The following MORC1 variants were observed in gnomAD, a reference collection of about 807,000 sequenced individuals.
MORC1 encodes the protein MORC family CW-type zinc finger protein 1.
MORC1 carries 59 observed loss-of-function variants against 134.9 expected under a neutral mutation model. The observed-to-expected ratio is 0.44, with a 90% confidence interval of 0.35 to 0.54. MORC1 has a LOEUF of 0.54. MORC1 is among the 20% of genes least tolerant of loss of function. MORC1 has a pLI of 0.00. For synonymous variants in MORC1, 395 were observed against 391.7 expected (o/e 1.01, Z -0.10); for missense variants, 947 against 1,134.5 (o/e 0.83, Z 2.37).
rs548016696 is a variant in MORC1 at position 109,049,454 on chromosome 3, G to C, written c.1330+5274C>G. On this transcript the variant is annotated intron_variant, in intron 14 of 27. Transcript: ENST00000232603. The stretch of plus-strand genomic sequence containing the variant: ...CTGATTTTCCTGTCCTATGCAACAG[G>C]GTTTACATGAAGTCATAGAGAAAAT... Among the ~76,000 whole-genome samples the C allele has an allele frequency of 3.1e-4, 47 of 152,174 alleles. 1 individual carries two copies. The highest frequency in any genetic ancestry group is 2.1e-3 in the Admixed American group (32 of 15,268).
At chr3:109,044,419 A>G (rs951215354) in intron 14 of MORC1, among the ~76,000 whole-genome samples, 59 of 151,984 alleles carry the variant, frequency 3.9e-4, no homozygotes, top group African/African-American at 1.4e-3. Context: ...TTAGCCAGGC[A>G]TGGTGGCGGG....
At chr3:108,960,211 C>G (rs1947044665) in intron 27 of MORC1, among the ~76,000 whole-genome samples, 1 of 152,180 alleles carries the variant, frequency 6.6e-6, no homozygotes, top group Non-Finnish European at 1.5e-5. Flanking sequence ...TGCTTAATAG[C>G]AGAAACAATC....
chr3:108,959,152 A>T (rs769447806), intron 27 of MORC1, 32 bp from the exon 28 acceptor site: 16 of 1,551,582 alleles, frequency 1.0e-5, no homozygotes, highest in Admixed American at 2.0e-5. Context: ...CACACCAGGG[A>T]AAGAAGCTGC....
At chr3:109,102,084 G>C (rs1261733444) in intron 4 of MORC1, among the ~76,000 whole-genome samples, 1 of 152,180 alleles carries the variant, frequency 6.6e-6, no homozygotes, top group Non-Finnish European at 1.5e-5. Flanking sequence ...GATCATTTCT[G>C]ACTGAGTATT....
At chr3:109,031,779 T>C (rs759841770) in intron 16 of MORC1, among the ~76,000 whole-genome samples, 8 of 152,200 alleles carry the variant, frequency 5.3e-5, no homozygotes, top group Non-Finnish European at 1.2e-4. Flanking sequence ...AGCCTCTAAT[T>C]CAATCAGGAC....
intron 3 of MORC1, chr3:109,110,189 A>G (rs2107801079): frequency 6.6e-6 from 1 of 152,494 alleles, no homozygotes; most frequent in Admixed American, 6.5e-5. Flanking sequence ...AACAGCTGAC[A>G]GAAATGTGGT....
At chr3:108,966,919 G>A (rs1001087460) in intron 26 of MORC1, among the ~76,000 whole-genome samples, 1 of 152,144 alleles carries the variant, frequency 6.6e-6, no homozygotes, top group Non-Finnish European at 1.5e-5. Context: ...GGTGATGCAG[G>A]ACCACCAATG....
intron 10 of MORC1, 132 bp from the exon 11 acceptor site, chr3:109,062,190 C>G: frequency 1.4e-6 from 1 of 740,694 alleles, no homozygotes; most frequent in South Asian, 1.7e-5. Context: ...CCCTATGTTC[C>G]TCTTATAACT....
At chr3:109,031,348 G>C (rs1022031108) in intron 16 of MORC1, among the ~76,000 whole-genome samples, 3 of 152,172 alleles carry the variant, frequency 2.0e-5, no homozygotes, top group African/African-American at 7.2e-5. Context: ...CCAGTGTATG[G>C]GAAGCTTAGT....
intron 14 of MORC1, among the ~76,000 whole-genome samples, chr3:109,051,812 A>G (rs1025125703): frequency 6.6e-6 from 1 of 152,128 alleles, no homozygotes; most frequent in Non-Finnish European, 1.5e-5. Flanking sequence ...GAATTAGGTA[A>G]GGAGTGGGGG....
rs757949911 is a variant in MORC1 at position 109,027,781 on chromosome 3, A to G, written c.1674T>C (p.Tyr558=). 6 of 1,613,850 alleles carry G rather than the reference A, an allele frequency of 3.7e-6. No individual in the cohort carries two copies. In the East Asian group the frequency reaches 1.3e-4, roughly 36 times the overall value. Residue 558 remains tyrosine, a synonymous_variant, in exon 17 of 28, where the codon TAT becomes TAC. Transcript: ENST00000232603. ...GCTGCTGTTCTGCCAGTCTATTTTG[A>G]TACTTTATGACCGACTCTCTAAGTT... ...EKQLRESVIK[Y]QNRLAEQQPQ...
At chr3:109,037,139 C>A (rs1315929385) in intron 14 of MORC1, among the ~76,000 whole-genome samples, 1 of 152,160 alleles carries the variant, frequency 6.6e-6, no homozygotes, top group Non-Finnish European at 1.5e-5. Flanking sequence ...GTTTTTAAGT[C>A]CTGGGTCTGG....
At chr3:109,028,446 G>A (rs554648564) in intron 16 of MORC1, among the ~76,000 whole-genome samples, 1 of 152,232 alleles carries the variant, frequency 6.6e-6, no homozygotes, top group East Asian at 1.9e-4. Flanking sequence ...TGGTCCTGAT[G>A]GCAGCATCCT....
At chr3:109,048,679 G>A (rs1246919186) in intron 14 of MORC1, among the ~76,000 whole-genome samples, 1 of 152,124 alleles carries the variant, frequency 6.6e-6, no homozygotes, top group Non-Finnish European at 1.5e-5. Context: ...TTTCTTCTGA[G>A]GCTTCCCTAC....
intron 17 of MORC1, among the ~76,000 whole-genome samples, chr3:109,023,301 A>G (rs1949003268): frequency 6.6e-6 from 1 of 152,252 alleles, no homozygotes; most frequent in Admixed American, 6.5e-5. Flanking sequence ...ATGCTATTAT[A>G]TTAATAGAAA....
At chr3:109,021,308 TA>T (rs1032892483) in intron 17 of MORC1, among the ~76,000 whole-genome samples, 10 of 152,146 alleles carry the variant, frequency 6.6e-5, no homozygotes, top group African/African-American at 2.2e-4. Context: ...GTATTTGCAT[TA>T]AAACCCAAAT....
At chr3:109,110,871 A>G in intron 2 of MORC1, 88 bp from the exon 3 acceptor site, 1 of 971,444 alleles carries the variant, frequency 1.0e-6, no homozygotes, top group Non-Finnish European at 1.5e-6. Context: ...CAAACAATAC[A>G]AAAATCCACT....
intron 9 of MORC1, among the ~76,000 whole-genome samples, chr3:109,063,507 T>C (rs1341086201): frequency 6.6e-6 from 1 of 152,176 alleles, no homozygotes; most frequent in Non-Finnish European, 1.5e-5. Flanking sequence ...TAAAATAGGA[T>C]AATTTTCTTT....
intron 17 of MORC1, among the ~76,000 whole-genome samples, chr3:109,015,631 C>A (rs1030325639): frequency 6.6e-6 from 1 of 152,122 alleles, no homozygotes; most frequent in East Asian, 1.9e-4. Context: ...TCTTCTAATT[C>A]TTTCAGGATT....
Sources: gnomAD v4.1 joint callset for allele counts (sites outside exome capture counted in the v4.1 genomes callset) on GRCh38, gnomAD v4.1.1 for gene constraint, MANE v1.5 for transcripts, NCBI Gene and HGNC (gene_info 2026-07-23, HGNC 2026-07-21) for gene names.